The following PXDN variants were observed in gnomAD, a reference collection of about 807,000 sequenced individuals.
PXDN encodes the protein peroxidasin homolog.
PXDN carries 77 observed loss-of-function variants against 140.3 expected under a neutral mutation model. The observed-to-expected ratio is 0.55, with a 90% CI of 0.46 to 0.66. PXDN has a LOEUF of 0.66. PXDN is among the 30% of genes least tolerant of loss of function. The probability of loss-of-function intolerance (pLI) is 0.00; values close to 1 mark genes in which losing one functional copy is unlikely to be tolerated. For missense variants in PXDN, 1,838 were observed against 2,039.5 expected (o/e 0.90, Z 1.90); for synonymous variants, 911 against 857.4 (o/e 1.06, Z -1.09).
chr2:1,705,255 C>G (rs1684568012), intron 1 of PXDN, among the ~76,000 whole-genome samples: 1 of 152,152 alleles, frequency 6.6e-6, no homozygotes, highest in African/African-American at 2.4e-5. Flanking sequence ...ACTCCCAAAC[C>G]CACATGACCC....
rs895230598 is a variant in PXDN, at chr2:1,660,027, C to T, written c.1837+854G>A. Among the ~76,000 whole-genome samples the T allele has an allele frequency of 1.3e-5, 2 of 152,126 alleles. No homozygotes were observed. Among genetic ancestry groups the T allele is most frequent in the Admixed American group, 6.5e-5 (1 of 15,276 alleles). On this transcript the variant is annotated intron_variant, in intron 14 of 22. Transcript: ENST00000252804. This position sits in a 1 kb window ranked among gnomAD's most constrained non-coding sequence, Gnocchi z 4.6. ...GTGATGGCCAGAGGGTCCTTTACCC[C>T]GTGAAGGGGGGTTTGTGCGCGTTCT...
intron 1 of PXDN, among the ~76,000 whole-genome samples, chr2:1,719,915 AGGG>A (rs1684983362): frequency 1.1e-5 from 1 of 91,916 alleles, no homozygotes; most frequent in Non-Finnish European, 2.2e-5. Context: ...AGAGGGAGGG[AGGG>A]ATGCAGAGAG....
chr2:1,686,407 ATT>A (rs764719278), intron 4 of PXDN, among the ~76,000 whole-genome samples: 1 of 141,900 alleles, frequency 7.0e-6, no homozygotes, highest in Non-Finnish European at 1.6e-5. Context: ...GCCCTTCCTC[ATT>A]CAGCCTCGTT....
At chr2:1,691,345 A>C (rs1315277843) in intron 3 of PXDN, among the ~76,000 whole-genome samples, 1 of 152,230 alleles carries the variant, frequency 6.6e-6, no homozygotes, top group Non-Finnish European at 1.5e-5. Flanking sequence ...CTAAACTGCA[A>C]AACTGATCTC....
chr2:1,667,166 C>T (rs978256238), intron 9 of PXDN, among the ~76,000 whole-genome samples: 17 of 151,966 alleles, frequency 1.1e-4, no homozygotes, highest in African/African-American at 3.9e-4. Context: ...AAGATTAGAG[C>T]ATAACTGAAG....
intron 1 of PXDN, among the ~76,000 whole-genome samples, chr2:1,720,604 C>A (rs1313181951): frequency 1.9e-5 from 1 of 53,046 alleles, no homozygotes; most frequent in Non-Finnish European, 3.7e-5. Context: ...CTTTGCCTCT[C>A]AGATACAGCT....
chr2:1,648,118 G>C lies in PXDN; in HGVS notation c.3608+54C>G. ...CAAATAACACACACACCACAGTTCAGGTGTTCCAGGTGCCTAGGTACACGA... is the reference window on the plus strand; with the variant it reads ...CAAATAACACACACACCACAGTTCACGTGTTCCAGGTGCCTAGGTACACGA... On this transcript the variant is annotated intron_variant, in intron 17 of 22. Transcript: ENST00000252804. The surrounding 1 kb of genome is among the most constrained non-coding windows in gnomAD (Gnocchi z 8.9). 1 of 1,562,862 alleles carries C rather than the reference G, an allele frequency of 6.4e-7. No individual in the cohort carries two copies. The highest frequency in any genetic ancestry group is 1.2e-5 in the South Asian group (1 of 84,050).
At chr2:1,710,988 C>A (rs1168890161) in intron 1 of PXDN, among the ~76,000 whole-genome samples, 3 of 72,002 alleles carry the variant, frequency 4.2e-5, no homozygotes, top group African/African-American at 1.0e-4. Flanking sequence ...CCCGCTCCAC[C>A]AGCACCCACT....
chr2:1,637,987 A>C (rs1201499553), intron 21 of PXDN, among the ~76,000 whole-genome samples: 1 of 152,044 alleles, frequency 6.6e-6, no homozygotes, highest in Non-Finnish European at 1.5e-5. Flanking sequence ...GAGGACCTGC[A>C]GCTGCACGGG....
At position 1,634,252 on chromosome 2, in the gene PXDN, C is replaced by T; in HGVS notation, c.4392G>A (p.Gly1464=). The change falls in exon 23 of 23, where the codon GGG becomes GGA. Residue 1464 remains glycine (G), a synonymous_variant. Coordinates refer to ENST00000252804, the MANE Select transcript of PXDN (RefSeq NM_012293.3). ...TCTGTAAGCAGACTGGACAGCAGGC[C>T]CCTGGGATGTTCACGGGGACAGCAC... ...ATCAVPVNIP[G]ACCPVCLQKR... is the part of the protein sequence containing the mutation. 1 of 1,607,112 alleles carries T rather than the reference C, an allele frequency of 6.2e-7. No individual in the cohort carries two copies. The highest frequency in any genetic ancestry group is 1.1e-5 in the South Asian group (1 of 89,134).
rs1199669157 is a variant in PXDN at position 1,663,774 on chromosome 2, A to G, written c.1409-11T>C. On this transcript the variant is annotated splice_polypyrimidine_tract_variant and intron_variant, in intron 11 of 22. Coordinates refer to ENST00000252804, the MANE Select transcript of PXDN (RefSeq NM_012293.3). ...CGGAGAGCTGGCTCCCTGCAAGGGC[A>G]TGGGCCCGTTACACTGGACACTCGG... is the stretch of plus-strand genomic sequence containing the variant. The G allele has an allele frequency of 1.9e-6, 3 of 1,610,896 alleles. No individual in the cohort carries two copies. The highest frequency in any genetic ancestry group is 1.1e-5 in the South Asian group (1 of 91,022).
rs756028395 is a variant in PXDN, at chr2:1,649,100, T to C, written c.2680A>G (p.Met894Val). The change falls in exon 17 of 23, where the codon ATG becomes GTG. Residue 894 changes from methionine (M) to valine (V), a missense_variant. Physicochemically the swap from Met to Val is conservative, Grantham distance 21. Around this residue, in one of 5 missense-constraint regions of PXDN, gnomAD observed 850 missense variants for 894.1 expected, o/e 0.95. Coordinates refer to ENST00000252804, the MANE Select transcript of PXDN (RefSeq NM_012293.3). This position sits in a 1 kb window ranked among gnomAD's most constrained non-coding sequence, Gnocchi z 7.1. ...TGCTCCCGCGGGTACACGGAGTTCA[T>C]GAGCAGCGAAGTCATGCCGCTGCCG... The part of the protein sequence containing the change: ...VCGSGMTSLL[M>V]NSVYPREQIN... 6.2e-7 allele frequency: 1 copy of C among 1,612,650 alleles called. No individual in the cohort carries two copies. The highest frequency in any genetic ancestry group is 8.5e-7 in the Non-Finnish European group (1 of 1,179,822).
intron 1 of PXDN, among the ~76,000 whole-genome samples, chr2:1,704,243 G>A (rs1208460167): frequency 2.9e-4 from 4 of 13,670 alleles, no homozygotes; most frequent in African/African-American, 1.9e-3. Context: ...AGGTGAAGGG[G>A]GGCAACTCCA....
Position 1,653,611 on chromosome 2 carries a change from A to G in PXDN, c.2104+17T>C. The G allele has an allele frequency of 6.2e-7, 1 of 1,611,652 alleles. No individual in the cohort carries two copies. Among genetic ancestry groups the G allele is most frequent in the Non-Finnish European group, 8.5e-7 (1 of 1,179,068 alleles). ...TACTCAGGCCATGGAGGAGGAAGAAAAGGCTTTGGCACTGACTTGTTCCGT... is the reference window on the plus strand; with the variant it reads ...TACTCAGGCCATGGAGGAGGAAGAAGAGGCTTTGGCACTGACTTGTTCCGT... On this transcript the variant is annotated intron_variant, in intron 16 of 22. Transcript: ENST00000252804.
chr2:1,653,818 T>A lies in PXDN; in HGVS notation c.1947-33A>T, dbSNP rs778347946. 7 of 1,515,198 alleles carry A rather than the reference T, an allele frequency of 4.6e-6. No homozygotes were observed. In the East Asian group the frequency reaches 1.7e-4, roughly 37 times the overall value. 93.9% of individuals were successfully genotyped at this position (1,515,198 alleles called of 1,614,324 possible). A position where few individuals can be genotyped will look rare whatever the true frequency, so the allele number is the denominator to read the frequency against. On this transcript the variant is annotated intron_variant, in intron 15 of 22. Transcript: ENST00000252804. ...GAGTTTAGGGGGAAGAAAGGAAGAA[T>A]GAAACAAATTACTGAAGATAAAATT...
chr2:1,679,038 C>T (rs916799462), intron 7 of PXDN, among the ~76,000 whole-genome samples: 3 of 152,024 alleles, frequency 2.0e-5, no homozygotes, highest in Admixed American at 1.3e-4. Context: ...AACCATCACA[C>T]AGGGAGATCC....
chr2:1,685,562 CA>C lies in PXDN; in HGVS notation c.417-1412del, dbSNP rs1684033455. Among the ~76,000 whole-genome samples the C allele has an allele frequency of 6.6e-6, 1 of 152,066 alleles. No homozygotes were observed. The highest frequency in any genetic ancestry group is 2.1e-4 in the South Asian group (1 of 4,814). The stretch of plus-strand genomic sequence containing the variant: ...TCAGCGAGGCTTCAGTGCAGGCAGG[CA>C]GGGGTGGAGTCCCCCAAGCAAAGCC... On this transcript the variant is annotated intron_variant, in intron 4 of 22. Transcript: ENST00000252804. This position sits in a 1 kb window ranked among gnomAD's most constrained non-coding sequence, Gnocchi z 5.1.
At chr2:1,708,501 C>A (rs1162005360) in intron 1 of PXDN, among the ~76,000 whole-genome samples, 1 of 152,148 alleles carries the variant, frequency 6.6e-6, no homozygotes. Context: ...TCATAAGAAG[C>A]CCAAGTGATT....
chr2:1,656,730 T>C, intron 14 of PXDN, among the ~76,000 whole-genome samples: 1 of 54,804 alleles, frequency 1.8e-5, no homozygotes, highest in Non-Finnish European at 3.6e-5. Context: ...ACCTGTCCCC[T>C]CCTGACAGGG....
Sources: allele counts gnomAD v4.1 joint callset (sites outside exome capture counted in the v4.1 genomes callset), GRCh38; gene constraint gnomAD v4.1.1; regional missense constraint gnomAD v4.1.1; non-coding constraint Gnocchi (gnomAD v3.1); transcripts MANE v1.5; gene names NCBI Gene and HGNC (gene_info 2026-07-23, HGNC 2026-07-21).